Variants in RASSF8 observed in about 807,000 individuals in gnomAD.
The protein encoded by RASSF8 is ras association domain-containing protein 8.
RASSF8 carries 22 observed loss-of-function variants against 48.5 expected under a neutral mutation model. The observed-to-expected ratio is 0.45, with a 90% CI of 0.32 to 0.65. RASSF8 has a LOEUF of 0.65. Among genes scored for constraint, RASSF8 ranks in the 30% least tolerant of loss-of-function variants. The probability of loss-of-function intolerance (pLI) is 0.03; values close to 1 mark genes in which losing one functional copy is unlikely to be tolerated. For synonymous variants in RASSF8, 127 were observed against 171.5 expected (o/e 0.74, Z 2.03); for missense variants, 418 against 489.2 (o/e 0.85, Z 1.37).
chr12:25,998,538 G>A (rs1203657789), intron 2 of RASSF8, among the ~76,000 whole-genome samples: 3 of 151,874 alleles, frequency 2.0e-5, no homozygotes, highest in Admixed American at 6.6e-5. Context: ...TATTACAGAC[G>A]GGGTTACACC....
intron 2 of RASSF8, among the ~76,000 whole-genome samples, chr12:25,997,429 A>T (rs1187722460): frequency 6.6e-6 from 1 of 152,134 alleles, no homozygotes; most frequent in African/African-American, 2.4e-5. Context: ...TAGTTTAAAA[A>T]TACTCTCAAT....
chr12:26,057,640 C>T (rs185096495), intron 3 of RASSF8, among the ~76,000 whole-genome samples: 52 of 152,236 alleles, frequency 3.4e-4, no homozygotes, highest in Admixed American at 1.0e-3. Flanking sequence ...TGGGTATATA[C>T]GCAATAATGG....
chr12:26,007,497 G>A (rs996322852), intron 2 of RASSF8, among the ~76,000 whole-genome samples: 1 of 152,188 alleles, frequency 6.6e-6, no homozygotes, highest in African/African-American at 2.4e-5. Flanking sequence ...GCAGAATGAA[G>A]AAGGTGCCTG....
intron 2 of RASSF8, among the ~76,000 whole-genome samples, chr12:26,017,130 A>T (rs556603434): frequency 2.1e-4 from 32 of 152,198 alleles, no homozygotes; most frequent in Middle Eastern, 3.4e-3. Context: ...ATATTTTTTT[A>T]AAAAAATTTT....
chr12:26,076,872 C>G (rs907014907), downstream of RASSF8, among the ~76,000 whole-genome samples: 10 of 152,314 alleles, frequency 6.6e-5, no homozygotes, highest in African/African-American at 1.7e-4. Flanking sequence ...CTAGTTTACA[C>G]TCCCACCAAC....
At chr12:26,073,885 G>A (rs1201904388), downstream of RASSF8, among the ~76,000 whole-genome samples, 1 of 149,468 alleles carries the variant, frequency 6.7e-6, no homozygotes, top group African/African-American at 2.5e-5. Context: ...TATTTATTGA[G>A]CCAAAGTAAA....
intron 2 of RASSF8, among the ~76,000 whole-genome samples, chr12:26,035,215 T>C (rs1315158359): frequency 2.0e-5 from 3 of 151,988 alleles, no homozygotes; most frequent in Non-Finnish European, 4.4e-5. Context: ...GGTTTAGTGA[T>C]AGCTAGTCCC....
chr12:26,018,180 A>G (rs1189395838), intron 2 of RASSF8, among the ~76,000 whole-genome samples: 1 of 152,150 alleles, frequency 6.6e-6, no homozygotes, highest in Non-Finnish European at 1.5e-5. Flanking sequence ...CTTTTTTTAA[A>G]GGATTGCTTC....
At chr12:25,974,851 A>C (rs1419395802) in intron 1 of RASSF8, among the ~76,000 whole-genome samples, 1 of 152,124 alleles carries the variant, frequency 6.6e-6, no homozygotes, top group Non-Finnish European at 1.5e-5. Context: ...ATTGGTAGAT[A>C]ATTGATGTCG....
chr12:26,055,496 G>A (rs374683911), intron 3 of RASSF8, 50 bp downstream of exon 3: 39 of 1,417,528 alleles, frequency 2.8e-5, no homozygotes, highest in African/African-American at 2.1e-4. Flanking sequence ...GCTTTCTTTC[G>A]TTGTATGTGT....
Position 26,023,646 on chromosome 12 carries a change from T to A in RASSF8, c.-109+28516T>A, listed in dbSNP as rs115644156. On this transcript the variant is annotated intron_variant, in intron 2 of 5. Transcript: ENST00000689635. ...AAAGCAAGTAACTCCAGACGGTAAT[T>A]TGAATCCGCATTAAAAACAAAAAAA... is the stretch of plus-strand genomic sequence containing the variant. Among the ~76,000 whole-genome samples, 428 of 152,122 alleles carry A rather than the reference T, an allele frequency of 2.8e-3. 3 individuals carry two copies. Among genetic ancestry groups the A allele is most frequent in the African/African-American group, 1.0e-2 (413 of 41,490 alleles).
At chr12:26,026,087 A>G (rs1942906612) in intron 2 of RASSF8, among the ~76,000 whole-genome samples, 2 of 152,236 alleles carry the variant, frequency 1.3e-5, no homozygotes, top group South Asian at 4.1e-4. Context: ...GTAGTTGCTT[A>G]GAAATGACAT....
chr12:26,065,315 G>C lies in RASSF8; in HGVS notation c.921G>C (p.Gln307His), dbSNP rs1247951390. The C allele has an allele frequency of 6.2e-7, 1 of 1,614,156 alleles. No individual in the cohort carries two copies. Among genetic ancestry groups the C allele is most frequent in the African/African-American group, 1.3e-5 (1 of 75,044 alleles). Residue 307 changes from glutamine (Q) to histidine (H), a missense_variant, in exon 4 of 6, where the codon CAG (glutamine) becomes CAC (histidine). Gln to His is a conservative substitution (Grantham distance 24, BLOSUM62 0). Transcript: ENST00000689635. ...AAGGGGAGATTGACATTCAAGGCCA[G>C]CAGAGTCTGAGGTTGGAAAATGGCA... ...KVKGEIDIQG[Q>H]QSLRLENGIK... is the part of the protein sequence containing the mutation.
chr12:26,051,272 A>G (rs531487138), intron 2 of RASSF8, among the ~76,000 whole-genome samples: 4 of 152,350 alleles, frequency 2.6e-5, no homozygotes, highest in South Asian at 2.1e-4. Context: ...TATTTCCACA[A>G]TTGCCAAATA....
At chr12:25,996,079 G>C (rs1592245647) in intron 2 of RASSF8, among the ~76,000 whole-genome samples, 1 of 152,310 alleles carries the variant, frequency 6.6e-6, no homozygotes, top group African/African-American at 2.4e-5. Context: ...CACCAGTTCA[G>C]TTGCCCTTTT....
At chr12:25,985,576 A>G (rs1941853677) in intron 1 of RASSF8, among the ~76,000 whole-genome samples, 1 of 152,256 alleles carries the variant, frequency 6.6e-6, no homozygotes, top group Non-Finnish European at 1.5e-5. Context: ...CTTGAGGTAA[A>G]TGAGTAAATC....
downstream of RASSF8, among the ~76,000 whole-genome samples, chr12:26,075,658 A>G (rs544375010): frequency 5.9e-5 from 9 of 152,392 alleles, no homozygotes; most frequent in Admixed American, 2.6e-4. Flanking sequence ...TTCCGTGTAC[A>G]CAAAGTCAAT....
At chr12:25,998,590 G>T (rs568954804) in intron 2 of RASSF8, among the ~76,000 whole-genome samples, 1 of 151,944 alleles carries the variant, frequency 6.6e-6, no homozygotes, top group African/African-American at 2.4e-5. Context: ...CTCATGTTCC[G>T]CCCACCTCAG....
At chr12:25,991,983 C>T (rs1313241493) in intron 1 of RASSF8, among the ~76,000 whole-genome samples, 6 of 152,142 alleles carry the variant, frequency 3.9e-5, no homozygotes, top group Non-Finnish European at 8.8e-5. Context: ...CTCCTTTTCC[C>T]CATAATTACA....
Sources: allele counts gnomAD v4.1 joint callset (sites outside exome capture counted in the v4.1 genomes callset), GRCh38; gene constraint gnomAD v4.1.1; transcripts MANE v1.5; gene names NCBI Gene and HGNC (gene_info 2026-07-23, HGNC 2026-07-21).